The following DAW1 variants were observed in gnomAD, a reference collection of about 807,000 sequenced individuals.
DAW1 encodes dynein assembly factor with WD repeat domains 1.
In DAW1, 47 loss-of-function variants were observed where a neutral mutation model predicts 56.5. The ratio of observed to expected loss-of-function variants is 0.83; its 90% confidence interval spans 0.66 to 1.06. The LOEUF (loss-of-function observed/expected upper bound fraction) is 1.06, where lower values mean the gene tolerates loss of function less well. DAW1 is among the 50% of genes least tolerant of loss of function. DAW1 has a pLI of 0.00. For missense variants in DAW1, 505 were observed against 499.3 expected (o/e 1.01, Z -0.11); for synonymous variants, 190 against 179.0 (o/e 1.06, Z -0.49).
At chr2:227,875,266 T>C (rs55918725) in intron 1 of DAW1, among the ~76,000 whole-genome samples, 7,891 of 152,298 alleles carry the variant, frequency 0.052, 247 homozygotes, top group Middle Eastern at 0.095. Context: ...ACTACCATTC[T>C]TTTTAGCTTG....
chr2:227,918,179 C>CATCCATCCATCCATCCATCCAT (rs1559315214), intron 10 of DAW1, among the ~76,000 whole-genome samples: 401 of 76,666 alleles, frequency 5.2e-3, no homozygotes, highest in Non-Finnish European at 8.7e-3. Flanking sequence ...CATCATCCAT[C>CATCCATCCATCCATCCATCCAT]CATCCATCCA....
intron 10 of DAW1, among the ~76,000 whole-genome samples, chr2:227,917,142 ATCTGTCTGTCTGTCTGTCTGTCTG>A (rs58001363): frequency 7.2e-6 from 1 of 138,462 alleles, no homozygotes; most frequent in Non-Finnish European, 1.5e-5. Context: ...CTATCTATCT[ATCTGTCTGTCTGTCTGTCTGTCTG>A]TCTGTCTGTC....
At chr2:227,903,255 A>T in intron 7 of DAW1, 146 bp downstream of exon 7, 2 of 812,922 alleles carry the variant, frequency 2.5e-6, no homozygotes, top group Non-Finnish European at 3.9e-6. Flanking sequence ...TTTCCTGGCT[A>T]TTCCAAAAGA....
At chr2:227,874,275 A>T (rs894492055) in intron 1 of DAW1, among the ~76,000 whole-genome samples, 5 of 152,218 alleles carry the variant, frequency 3.3e-5, no homozygotes, top group African/African-American at 4.8e-5. Context: ...GCATGGGTAC[A>T]TGGTGACAAC....
intron 6 of DAW1, among the ~76,000 whole-genome samples, chr2:227,899,080 G>A (rs1176877164): frequency 6.6e-6 from 1 of 152,134 alleles, no homozygotes; most frequent in Non-Finnish European, 1.5e-5. Context: ...CCAATTCTGA[G>A]ACATATCTGA....
chr2:227,908,892 C>A (rs574833468), intron 10 of DAW1, among the ~76,000 whole-genome samples: 1 of 152,264 alleles, frequency 6.6e-6, no homozygotes, highest in East Asian at 1.9e-4. Context: ...CCTGAAGATA[C>A]AGATGATGCT....
intron 10 of DAW1, among the ~76,000 whole-genome samples, chr2:227,909,013 C>T (rs1194904557): frequency 1.3e-5 from 2 of 152,090 alleles, no homozygotes; most frequent in African/African-American, 2.4e-5. Flanking sequence ...ATGTATCTGA[C>T]TATGTTTAAT....
Position 227,885,419 on chromosome 2 carries a change from C to T in DAW1, c.109C>T (p.Pro37Ser). Reference sequence around the variant, plus strand: ...GTCCATAGATTTGCTTGATCTTGGTCCCAGGTAAGTAAGCTGTAGGATTCA... The same window carrying T: ...GTCCATAGATTTGCTTGATCTTGGTTCCAGGTAAGTAAGCTGTAGGATTCA... ...TKSIDLLDLG[P>S]STDVSALVEE... The change falls in exon 2 of 13, where the codon CCC becomes TCC. Residue 37 changes from proline (P) to serine (S), a missense_variant. Physicochemically the swap from Pro to Ser is moderately conservative, Grantham distance 74 (BLOSUM62 -1). Coordinates refer to ENST00000309931, the MANE Select transcript of DAW1 (RefSeq NM_178821.3). 5 of 1,600,660 alleles carry T rather than the reference C, an allele frequency of 3.1e-6. No individual in the cohort carries two copies. The highest frequency in any genetic ancestry group is 4.3e-6 in the Non-Finnish European group (5 of 1,175,010).
chr2:227,893,417 G>C (rs1691321901), intron 4 of DAW1, among the ~76,000 whole-genome samples: 1 of 152,166 alleles, frequency 6.6e-6, no homozygotes. Flanking sequence ...TGTAACCCCA[G>C]CACTTTGGGA....
Position 227,910,802 on chromosome 2 carries a change from A to G in DAW1, c.973+3550A>G, listed in dbSNP as rs374145861. ...ATATTTTTGCATCATTTCCCTGACT[A>G]CTATTTATGATGCTGCAGTATGTCT... On this transcript the variant is annotated intron_variant, in intron 10 of 12. Coordinates refer to ENST00000309931, the MANE Select transcript of DAW1 (RefSeq NM_178821.3). Among the ~76,000 whole-genome samples the G allele has an allele frequency of 8.5e-5, 13 of 152,198 alleles. No homozygotes were observed. In the East Asian group the frequency reaches 1.5e-3, roughly 18 times the overall value.
intron 1 of DAW1, among the ~76,000 whole-genome samples, chr2:227,876,968 T>C (rs1690898130): frequency 1.3e-5 from 2 of 152,200 alleles, no homozygotes; most frequent in Non-Finnish European, 2.9e-5. Flanking sequence ...TTTCTGTTGA[T>C]TGAATATATA....
At chr2:227,917,126 A>ATCTG (rs199801419) in intron 10 of DAW1, among the ~76,000 whole-genome samples, 2,957 of 129,174 alleles carry the variant, frequency 0.023, 41 homozygotes, top group Middle Eastern at 0.057. Context: ...CTATCTATCT[A>ATCTG]TCTATCTATC....
At chr2:227,897,985 CT>C (rs1161743383) in intron 5 of DAW1, among the ~76,000 whole-genome samples, 196 bp from the exon 6 acceptor site, 4 of 151,854 alleles carry the variant, frequency 2.6e-5, no homozygotes, top group Admixed American at 6.6e-5. Flanking sequence ...AATATAAAAC[CT>C]TTAAAATTAA....
intron 2 of DAW1, among the ~76,000 whole-genome samples, chr2:227,886,788 TAAACAAAC>T (rs59160595): frequency 7.9e-5 from 12 of 151,678 alleles, no homozygotes; most frequent in African/African-American, 2.7e-4. Context: ...TCTGTCTTTG[TAAACAAAC>T]AAACAAACAA....
In DAW1 at chr2:227,906,590, T is replaced by C. The variant is rs150192309; in HGVS notation, c.858+252T>C. On this transcript the variant is annotated intron_variant, in intron 9 of 12. Coordinates refer to ENST00000309931, the MANE Select transcript of DAW1 (RefSeq NM_178821.3). ...TATTTGAGAAGGCATTTTATTTTTA[T>C]TTAATATCCCACTGTTCATTTATAG... is the stretch of plus-strand genomic sequence containing the variant. Among the ~76,000 whole-genome samples the C allele has an allele frequency of 6.5e-3, 992 of 152,308 alleles. 14 individuals carry two copies. The highest frequency in any genetic ancestry group is 0.022 in the African/African-American group (921 of 41,574).
At chr2:227,881,935 A>T in intron 1 of DAW1, among the ~76,000 whole-genome samples, 1 of 151,818 alleles carries the variant, frequency 6.6e-6, no homozygotes, top group East Asian at 1.9e-4. Flanking sequence ...TATTTTTATT[A>T]GAGACGGTGT....
At chr2:227,917,138 ATCTATCTGTCTGTCTG>A (rs1235729769) in intron 10 of DAW1, among the ~76,000 whole-genome samples, 38 of 98,142 alleles carry the variant, frequency 3.9e-4, no homozygotes, top group African/African-American at 1.3e-3. Context: ...CTATCTATCT[ATCTATCTGTCTGTCTG>A]TCTGTCTGTC....
At chr2:227,873,347 T>C (rs1255413875) in intron 1 of DAW1, among the ~76,000 whole-genome samples, 1 of 152,204 alleles carries the variant, frequency 6.6e-6, no homozygotes, top group Non-Finnish European at 1.5e-5. Flanking sequence ...GTAAACTTCG[T>C]GAGAACTAAG....
intron 8 of DAW1, 88 bp from the exon 9 acceptor site, chr2:227,906,148 C>A: frequency 1.0e-6 from 1 of 999,888 alleles, no homozygotes; most frequent in Non-Finnish European, 1.5e-6. Context: ...TTTAGATTAG[C>A]TTACACAGAT....
Sources: allele counts gnomAD v4.1 joint callset (sites outside exome capture counted in the v4.1 genomes callset), GRCh38; gene constraint gnomAD v4.1.1; transcripts MANE v1.5; gene names NCBI Gene and HGNC (gene_info 2026-07-23, HGNC 2026-07-21).